Variants in UNC80 observed in about 807,000 individuals in gnomAD.
UNC80 encodes protein unc-80 homolog.
In UNC80, 164 loss-of-function variants were observed where a neutral mutation model predicts 384.6. The ratio of observed to expected loss-of-function variants is 0.43; its 90% CI spans 0.38 to 0.49. The LOEUF (loss-of-function observed/expected upper bound fraction) is 0.49. UNC80 is among the 20% of genes least tolerant of loss of function. The pLI is 0.00. For synonymous variants in UNC80, 1,486 were observed against 1,527.8 expected, an observed-to-expected ratio of 0.97 and a Z score of 0.64; for missense variants, 3,330 against 4,143.0, an observed-to-expected ratio of 0.80 and a Z score of 5.39.
chr2:209,861,147 C>T (rs2083319178), intron 22 of UNC80, among the ~76,000 whole-genome samples: 1 of 152,152 alleles, frequency 6.6e-6, no homozygotes, highest in African/African-American at 2.4e-5. Flanking sequence ...GGAATGCTTC[C>T]AGCTTTTGCC....
intron 29 of UNC80, among the ~76,000 whole-genome samples, chr2:209,909,517 T>C (rs2088663551): frequency 6.6e-6 from 1 of 152,218 alleles, no homozygotes; most frequent in Non-Finnish European, 1.5e-5. Flanking sequence ...GTACTCATCT[T>C]GTACATAGAC....
intron 31 of UNC80, among the ~76,000 whole-genome samples, chr2:209,914,675 GTGTGTGTA>G (rs1283256893): frequency 1.5e-4 from 23 of 150,856 alleles, no homozygotes; most frequent in African/African-American, 5.4e-4. Flanking sequence ...GTGTGTGTGT[GTGTGTGTA>G]TATAAATACA....
intron 7 of UNC80, among the ~76,000 whole-genome samples, chr2:209,801,289 T>G (rs2078532175): frequency 6.6e-6 from 1 of 152,078 alleles, no homozygotes; most frequent in South Asian, 2.1e-4. Context: ...AATTGTTCCC[T>G]TCACCATTAT....
At position 209,941,379 on chromosome 2, in the gene UNC80, G is replaced by A. The variant is rs886041094; in HGVS notation, c.6805G>A (p.Asp2269Asn). Residue 2269 changes from aspartate (D) to asparagine (N), a missense_variant, in exon 44 of 65, where the codon GAC becomes AAC. Physicochemically the swap from Asp to Asn is conservative, Grantham distance 23. Coordinates refer to ENST00000673920, the MANE Select transcript of UNC80 (RefSeq NM_001371986.1). ...CGGGGCTCTGATCCTCCACCCGGAAGACAGTGCCCTGCTCAGGCAGTATGC... is the reference window on the plus strand; with the variant it reads ...CGGGGCTCTGATCCTCCACCCGGAAAACAGTGCCCTGCTCAGGCAGTATGC... ...FNGALILHPEDSALLRQYAAT... is the reference protein window; with the variant it reads ...FNGALILHPENSALLRQYAAT... 1.5e-5 allele frequency: 23 copies of A among 1,551,276 alleles called. No individual in the cohort carries two copies. The highest frequency in any genetic ancestry group is 2.0e-5 in the Non-Finnish European group (23 of 1,146,764).
At position 209,839,881 on chromosome 2, in the gene UNC80, C is replaced by T. The variant is rs570089411; in HGVS notation, c.3250+451C>T. Among the ~76,000 whole-genome samples, 19 of 152,102 alleles carry T rather than the reference C, an allele frequency of 1.2e-4. No homozygotes were observed. The highest frequency in any genetic ancestry group is 3.9e-4 in the African/African-American group (16 of 41,500). On this transcript the variant is annotated intron_variant, in intron 19 of 64. Transcript: ENST00000673920. This position sits in a 1 kb window ranked among gnomAD's most constrained non-coding sequence, Gnocchi z 4.1. ...CTAGTGGTAGTGGCATTAAGATCTC[C>T]GGGATACTTGGGAGAAGGAAGGAGA...
intron 47 of UNC80, among the ~76,000 whole-genome samples, chr2:209,953,513 A>G (rs2092285960): frequency 6.6e-6 from 1 of 151,858 alleles, no homozygotes; most frequent in Admixed American, 6.6e-5. Context: ...TAACTACTTA[A>G]TCTCCATGTC....
chr2:209,887,987 C>T, intron 25 of UNC80, 108 bp from the exon 26 acceptor site: 1 of 961,434 alleles, frequency 1.0e-6, no homozygotes, highest in Non-Finnish European at 1.5e-6. Flanking sequence ...AGGAATCTGG[C>T]TGTTTAAACG....
At chr2:209,867,052 A>C (rs1407602716) in intron 22 of UNC80, among the ~76,000 whole-genome samples, 1 of 152,242 alleles carries the variant, frequency 6.6e-6, no homozygotes, top group Non-Finnish European at 1.5e-5. Flanking sequence ...GAATGTTCCA[A>C]ATCTTCTCTT....
chr2:209,845,060 C>T (rs534275376), intron 21 of UNC80: 114 of 149,210 alleles, frequency 7.6e-4, no homozygotes, highest in African/African-American at 2.7e-3. Context: ...AAGGGGAGCA[C>T]TTGTGATGCG....
chr2:209,800,558 C>T (rs990403881), intron 7 of UNC80, among the ~76,000 whole-genome samples: 6 of 149,460 alleles, frequency 4.0e-5, no homozygotes, highest in African/African-American at 7.3e-5. Flanking sequence ...CTATCTTCTT[C>T]AGTTCTTCCC....
rs371374583 is a variant in UNC80 at position 209,939,446 on chromosome 2, T to C, written c.6466-26T>C. 2.6e-6 allele frequency: 4 copies of C among 1,532,670 alleles called. No individual in the cohort carries two copies. The African/African-American group carries it at 4.1e-5, about 16-fold the overall frequency. The allele number at this position is 1,532,670 out of a possible 1,614,324, so 94.9% of individuals were successfully genotyped here. On this transcript the variant is annotated intron_variant, in intron 42 of 64. Transcript: ENST00000673920. ...CTGGAGTTTCTAATACTCCTTTTTG[T>C]CTGCTCCTGCTTTTGTTTTCTCCAG...
rs868687780 is a variant in UNC80 at position 209,885,254 on chromosome 2, T to C, written c.4111-2841T>C. ...GATGAAGGTGATACAGAAATAACTA[T>C]ACTGTAACAGGAGAACCAACATACA... On this transcript the variant is annotated intron_variant, in intron 25 of 64. Transcript: ENST00000673920. 2.6e-5 allele frequency among the ~76,000 whole-genome samples: 4 copies of C among 152,082 alleles called. No individual in the cohort carries two copies. The South Asian group carries it at 6.2e-4, about 24-fold the overall frequency.
chr2:209,946,369 GA>G (rs553758753), intron 47 of UNC80, among the ~76,000 whole-genome samples: 2,309 of 108,756 alleles, frequency 0.021, 57 homozygotes, highest in African/African-American at 0.067. Context: ...GACTTTGTCA[GA>G]AAAAAAAAAA....
intron 7 of UNC80, among the ~76,000 whole-genome samples, chr2:209,800,809 T>C (rs1192813788): frequency 6.6e-6 from 1 of 152,202 alleles, no homozygotes; most frequent in African/African-American, 2.4e-5. Flanking sequence ...TTAATTTCAT[T>C]ATTTACCCAG....
chr2:209,981,615 A>G (rs1303076335), intron 59 of UNC80, among the ~76,000 whole-genome samples: 5 of 152,312 alleles, frequency 3.3e-5, no homozygotes, highest in African/African-American at 9.6e-5. Flanking sequence ...AAACAAAAAA[A>G]ACTCTGCTTC....
intron 35 of UNC80, among the ~76,000 whole-genome samples, chr2:209,924,301 A>T (rs1215217565): frequency 6.6e-6 from 1 of 152,116 alleles, no homozygotes; most frequent in East Asian, 1.9e-4. Context: ...TTGTTTAGTA[A>T]CTTTCCTTGA....
intron 33 of UNC80, among the ~76,000 whole-genome samples, chr2:209,920,481 A>G (rs369289246): frequency 3.3e-4 from 51 of 152,354 alleles, no homozygotes; most frequent in African/African-American, 1.2e-3. Context: ...CATAATTAAG[A>G]CATGAATAGA....
chr2:209,800,294 T>A (rs1055796164), intron 7 of UNC80, among the ~76,000 whole-genome samples: 7 of 152,284 alleles, frequency 4.6e-5, no homozygotes, highest in African/African-American at 1.7e-4. Context: ...TGGTAGGGTG[T>A]ATGCATCCAG....
intron 22 of UNC80, among the ~76,000 whole-genome samples, chr2:209,853,420 GT>G (rs904295846): frequency 1.3e-5 from 2 of 151,536 alleles, no homozygotes; most frequent in Non-Finnish European, 3.0e-5. Flanking sequence ...TTGCTGACCT[GT>G]TTTTTTTGTT....
Sources: allele counts gnomAD v4.1 joint callset (sites outside exome capture counted in the v4.1 genomes callset), GRCh38; gene constraint gnomAD v4.1.1; non-coding constraint Gnocchi (gnomAD v3.1); transcripts MANE v1.5; gene names NCBI Gene and HGNC (gene_info 2026-07-23, HGNC 2026-07-21).